Variants in CAD observed in about 807,000 individuals in gnomAD.
CAD encodes multifunctional protein CAD.
In CAD, 81 loss-of-function variants were observed where a neutral mutation model predicts 237.2. The observed-to-expected ratio is 0.34, with a 90% CI of 0.29 to 0.41. The LOEUF (loss-of-function observed/expected upper bound fraction) is 0.41. CAD is among the 10% of genes least tolerant of loss of function. The probability of loss-of-function intolerance (pLI) is 1.00; values close to 1 mark genes in which losing one functional copy is unlikely to be tolerated. For synonymous variants in CAD, 1,196 were observed against 1,162.8 expected (o/e 1.03, Z -0.58); for missense variants, 2,181 against 2,951.7 (o/e 0.74, Z 6.05).
At chr2:27,219,656 C>T (rs993886936) in intron 2 of CAD, among the ~76,000 whole-genome samples, 3 of 151,984 alleles carry the variant, frequency 2.0e-5, no homozygotes, top group Non-Finnish European at 2.9e-5. Flanking sequence ...AATGGGCAAC[C>T]TTGGCTCACT....
intron 11 of CAD, 37 bp downstream of exon 11, chr2:27,225,280 G>GTTTTT (rs201846488): frequency 1.2e-6 from 1 of 811,794 alleles, no homozygotes; most frequent in South Asian, 1.7e-5. Flanking sequence ...GAATGGTGGT[G>GTTTTT]TTTTTTTTGG....
rs1297321951 is a variant in CAD, at chr2:27,239,037, C to T, written c.5063-5C>T. ...TCCTGAGGGTAATGGCTTTCTTTCT[C>T]CCAGCTCCCCATACCTTGGAGGAGA... On this transcript the variant is annotated splice_region_variant and splice_polypyrimidine_tract_variant and intron_variant, in intron 31 of 43. Coordinates refer to ENST00000264705, the MANE Select transcript of CAD (RefSeq NM_004341.5). The surrounding 1 kb of genome is among the most constrained non-coding windows in gnomAD (Gnocchi z 4.0). 5 of 1,542,580 alleles carry T rather than the reference C, an allele frequency of 3.2e-6. No individual in the cohort carries two copies. The highest frequency in any genetic ancestry group is 4.2e-5 in the Admixed American group (2 of 47,470).
Position 27,223,125 on chromosome 2 carries a change from C to A in CAD, c.809+88C>A, listed in dbSNP as rs562056313. ...AATGAGAAGAGAGTTGGTGTTTATT[C>A]GTGTTGAAATAGGAGCGGGGGGGTT... is the stretch of plus-strand genomic sequence containing the variant. On this transcript the variant is annotated intron_variant, in intron 6 of 43. Transcript: ENST00000264705. The A allele has an allele frequency of 8.6e-5, 122 of 1,418,878 alleles. 2 individuals carry two copies. The South Asian group carries it at 1.4e-3, about 17-fold the overall frequency. The allele number at this position is 1,418,878 out of a possible 1,614,324, so 87.9% of individuals were successfully genotyped here.
rs1676287849 is a variant in CAD, at chr2:27,240,978, A to C, written c.5638+23A>C. The C allele has an allele frequency of 6.2e-7, 1 of 1,613,416 alleles. No individual in the cohort carries two copies. The highest frequency in any genetic ancestry group is 1.7e-5 in the Admixed American group (1 of 59,948). ...CAGGTGAGACTCCACCCTGACACAC[A>C]CTCACCTCGGGGACCTCTGATCTGG... is the stretch of plus-strand genomic sequence containing the variant. On this transcript the variant is annotated intron_variant, in intron 36 of 43. Coordinates refer to ENST00000264705, the MANE Select transcript of CAD (RefSeq NM_004341.5). This position sits in a 1 kb window ranked among gnomAD's most constrained non-coding sequence, Gnocchi z 4.6.
At position 27,239,348 on chromosome 2, in the gene CAD, G is replaced by A. The variant is rs1465630176; in HGVS notation, c.5271G>A (p.Glu1757=). Residue 1757 remains glutamate (E), a synonymous_variant, in exon 33 of 44, where the codon GAG becomes GAA. Coordinates refer to ENST00000264705, the MANE Select transcript of CAD (RefSeq NM_004341.5). This position sits in a 1 kb window ranked among gnomAD's most constrained non-coding sequence, Gnocchi z 4.0. The stretch of plus-strand genomic sequence containing the variant: ...CTGGGCAGGTGGATCTGGAGCATGA[G>A]TGGACAATTCCCAGCCACATGCCCT... ...DTYVEVDLEH[E]WTIPSHMPFS... is the part of the protein sequence containing the mutation. The A allele has an allele frequency of 6.2e-7, 1 of 1,613,904 alleles. No individual in the cohort carries two copies.
At chr2:27,226,764 G>T in intron 14 of CAD, 68 bp from the exon 15 acceptor site, 1 of 1,604,840 alleles carries the variant, frequency 6.2e-7, no homozygotes, top group South Asian at 1.1e-5. Context: ...AATGGAAAGA[G>T]CTATCCGGAA....
Position 27,226,042 on chromosome 2 carries a change from AG to A in CAD, c.1843-88del. 2.0e-6 allele frequency: 3 copies of A among 1,486,466 alleles called. No individual in the cohort carries two copies. The Admixed American group carries it at 5.1e-5, about 25-fold the overall frequency. 92.1% of individuals were successfully genotyped at this position (1,486,466 alleles called of 1,614,324 possible). The stretch of plus-strand genomic sequence containing the variant: ...TGTCCCTCAGACCCAGGTTAGGTGC[AG>A]CCCCAGAGGTAACAGGACCCTGGGG... On this transcript the variant is annotated intron_variant, in intron 12 of 43. Coordinates refer to ENST00000264705, the MANE Select transcript of CAD (RefSeq NM_004341.5).
Position 27,235,863 on chromosome 2 carries a change from G to T in CAD, c.4074+223G>T. The T allele has an allele frequency of 4.2e-6, 2 of 471,208 alleles. No individual in the cohort carries two copies. The highest frequency in any genetic ancestry group is 7.4e-6 in the Non-Finnish European group (2 of 268,970). The allele number at this position is 471,208 out of a possible 1,614,324, so 29.2% of individuals were successfully genotyped here. On this transcript the variant is annotated intron_variant, in intron 25 of 43. Coordinates refer to ENST00000264705, the MANE Select transcript of CAD (RefSeq NM_004341.5). The surrounding 1 kb of genome is among the most constrained non-coding windows in gnomAD (Gnocchi z 5.2). ...TGCACTCCAGCTTGGGAAACAGTGA[G>T]ATGCTGTCTCAAAAAAAAAAAAAAC... is the stretch of plus-strand genomic sequence containing the variant.
In CAD at chr2:27,235,686, G is replaced by C. The variant is rs761482103; in HGVS notation, c.4074+46G>C. On this transcript the variant is annotated intron_variant, in intron 25 of 43. Transcript: ENST00000264705. This position sits in a 1 kb window ranked among gnomAD's most constrained non-coding sequence, Gnocchi z 5.2. ...TACCCCACTGCTGCCCTTCCCCAAG[G>C]GGGTGAAAATACTGCACCAAAGAAT... The C allele has an allele frequency of 6.5e-7, 1 of 1,532,600 alleles. No homozygotes were observed. The highest frequency in any genetic ancestry group is 1.4e-5 in the African/African-American group (1 of 73,106). 94.9% of individuals were successfully genotyped at this position (1,532,600 alleles called of 1,614,324 possible).
At chr2:27,238,928 A>G (rs921192166) in intron 31 of CAD, 114 bp from the exon 32 acceptor site, 3 of 1,026,898 alleles carry the variant, frequency 2.9e-6, no homozygotes, top group African/African-American at 1.6e-5. Context: ...AAAAATGAGC[A>G]TTGGGAGTGG....
At position 27,240,273 on chromosome 2, in the gene CAD, A is replaced by C. The variant is rs1676246900; in HGVS notation, c.5505A>C (p.Glu1835Asp). 6.2e-7 allele frequency: 1 copy of C among 1,613,192 alleles called. No individual in the cohort carries two copies. Among genetic ancestry groups the C allele is most frequent in the East Asian group, 2.2e-5 (1 of 44,870 alleles). Reference sequence around the variant, plus strand: ...CAACGTTATCCCTCCAGACACCTGAAAGACCCCGCCGTGGCATCCCAGGGC... The same window carrying C: ...CAACGTTATCCCTCCAGACACCTGACAGACCCCGCCGTGGCATCCCAGGGC... ...PATSEMTTTP[E>D]RPRRGIPGLP... The change falls in exon 35 of 44, where the codon GAA becomes GAC. Residue 1835 changes from glutamate to aspartate, a missense_variant. Around this residue, in one of 12 missense-constraint regions of CAD, gnomAD observed 478 missense variants for 515.0 expected, o/e 0.93. Transcript: ENST00000264705. This position sits in a 1 kb window ranked among gnomAD's most constrained non-coding sequence, Gnocchi z 4.6.
At position 27,242,562 on chromosome 2, in the gene CAD, AATG is replaced by A; in HGVS notation, c.6223-54_6223-52del. The A allele has an allele frequency of 6.4e-7, 1 of 1,559,346 alleles. No individual in the cohort carries two copies. The highest frequency in any genetic ancestry group is 1.4e-5 in the African/African-American group (1 of 73,930). The stretch of plus-strand genomic sequence containing the variant: ...CTCCAGAGGCTTTTAAAAGCTTGGA[AATG>A]ATGTCGGGGGGCACTCAGTCTGGGA... On this transcript the variant is annotated intron_variant, in intron 40 of 43. Coordinates refer to ENST00000264705, the MANE Select transcript of CAD (RefSeq NM_004341.5). The surrounding 1 kb of genome is among the most constrained non-coding windows in gnomAD (Gnocchi z 6.4).
rs1432808617 is a variant in CAD at position 27,235,658 on chromosome 2, AC to A, written c.4074+20del. On this transcript the variant is annotated intron_variant, in intron 25 of 43. Coordinates refer to ENST00000264705, the MANE Select transcript of CAD (RefSeq NM_004341.5). This position sits in a 1 kb window ranked among gnomAD's most constrained non-coding sequence, Gnocchi z 5.2. ...GCGTCAAGGTGCAGGAACTCTGGCA[AC>A]CTACCCCACTGCTGCCCTTCCCCAA... The A allele has an allele frequency of 3.1e-6, 5 of 1,601,182 alleles. No individual in the cohort carries two copies. The highest frequency in any genetic ancestry group is 4.3e-6 in the Non-Finnish European group (5 of 1,168,476).
rs373079827 is a variant in CAD at position 27,237,785 on chromosome 2, C to T, written c.4631C>T (p.Thr1544Ile). The T allele has an allele frequency of 1.2e-6, 2 of 1,614,238 alleles. No individual in the cohort carries two copies. Among genetic ancestry groups the T allele is most frequent in the East Asian group, 2.2e-5 (1 of 44,882 alleles). ...GGGGCCTCGTCTGAAAATGCAGGAA[C>T]CTTGGGCACCGTGGCCGGGTCTGCA... Reference protein sequence around the residue: ...FLGASSENAGTLGTVAGSAAG... With the variant: ...FLGASSENAGILGTVAGSAAG... The change falls in exon 29 of 44, where the codon ACC becomes ATC. Residue 1544 changes from threonine to isoleucine, a missense_variant. Transcript: ENST00000264705. This position sits in a 1 kb window ranked among gnomAD's most constrained non-coding sequence, Gnocchi z 4.0.
rs776716707 is a variant in CAD at position 27,226,505 on chromosome 2, T to C, written c.2032-20T>C. The C allele has an allele frequency of 9.3e-6, 15 of 1,613,694 alleles. No individual in the cohort carries two copies. In the Admixed American group the frequency reaches 2.5e-4, roughly 27 times the overall value. ...AGACAGGGTCTTCTAGGCCAGTGAC[T>C]TTATTCTCCTTCTTTGCAGTATTAC... On this transcript the variant is annotated intron_variant, in intron 13 of 43. Coordinates refer to ENST00000264705, the MANE Select transcript of CAD (RefSeq NM_004341.5).
Position 27,221,301 on chromosome 2 carries a change from C to T in CAD, c.306C>T (p.Arg102=), listed in dbSNP as rs1675153040. The change falls in exon 3 of 44, where the codon CGC becomes CGT. Residue 102 remains arginine (R), a synonymous_variant. Transcript: ENST00000264705. ...CTCCCAGCCACTGGAGTGCCACCCG[C>T]ACCCTGCATGAGTGGCTGCAGCAGC... ...CPTPSHWSAT[R]TLHEWLQQHG... The T allele has an allele frequency of 1.9e-6, 3 of 1,591,642 alleles. No homozygotes were observed. Among genetic ancestry groups the T allele is most frequent in the South Asian group, 1.2e-5 (1 of 86,844 alleles).
chr2:27,243,391 T>TC, intron 43 of CAD, 25 bp from the exon 44 acceptor site: 1 of 77,858 alleles, frequency 1.3e-5, no homozygotes, highest in South Asian at 3.4e-4. Context: ...TAACACTTCC[T>TC]TTTTTTTTTT....
At chr2:27,222,133 C>T in intron 3 of CAD, 61 bp from the exon 4 acceptor site, 1 of 1,544,862 alleles carries the variant, frequency 6.5e-7, no homozygotes, top group Non-Finnish European at 8.9e-7. Context: ...TTCTGGAAGT[C>T]TAACCTCACA....
chr2:27,220,680 A>G (rs1186910135), intron 2 of CAD, among the ~76,000 whole-genome samples: 2 of 150,330 alleles, frequency 1.3e-5, no homozygotes, highest in African/African-American at 4.9e-5. Flanking sequence ...AGGAATGGCT[A>G]GGTGCGATGG....
Sources: gnomAD v4.1 joint callset for allele counts (sites outside exome capture counted in the v4.1 genomes callset) on GRCh38, gnomAD v4.1.1 for gene constraint, gnomAD v4.1.1 regional missense constraint, Gnocchi (gnomAD v3.1) non-coding constraint, MANE v1.5 for transcripts, NCBI Gene and HGNC (gene_info 2026-07-23, HGNC 2026-07-21) for gene names.